The following FSCN2 variants were observed in gnomAD, a reference collection of about 807,000 sequenced individuals.
The protein encoded by FSCN2 is fascin-2.
FSCN2 carries 46 observed loss-of-function variants against 37.8 expected under a neutral mutation model. The ratio of observed to expected loss-of-function variants is 1.22; its 90% CI spans 0.96 to 1.56. The LOEUF (loss-of-function observed/expected upper bound fraction) is 1.56, where lower values mean the gene tolerates loss of function less well. Ranked by LOEUF, FSCN2 falls within the 40% of genes most tolerant of loss-of-function variation. The pLI is 0.00. For synonymous variants in FSCN2, 351 were observed against 309.4 expected, an observed-to-expected ratio of 1.13 and a Z score of -1.41; for missense variants, 844 against 730.4, an observed-to-expected ratio of 1.16 and a Z score of -1.79.
intron 1 of FSCN2, 47 bp from the exon 2 acceptor site, chr17:81,535,005 C>T (rs1227233891): frequency 1.4e-6 from 2 of 1,450,740 alleles, no homozygotes. Flanking sequence ...CTCCCCTGCT[C>T]CCTACCCAGG....
chr17:81,537,097 G>A lies in FSCN2; in HGVS notation c.*17G>A, dbSNP rs576424619. On this transcript the variant is annotated 3_prime_UTR_variant, in exon 5 of 5. Coordinates refer to ENST00000417245, the MANE Select transcript of FSCN2 (RefSeq NM_012418.4). ...GAGTACTGAGGCCGCGCCCAGACCA[G>A]CCTGTCGCGCATTAAAACCGTGTCT... The A allele has an allele frequency of 2.1e-6, 3 of 1,403,568 alleles. No individual in the cohort carries two copies. Among genetic ancestry groups the A allele is most frequent in the Non-Finnish European group, 2.8e-6 (3 of 1,085,026 alleles). 86.9% of individuals were successfully genotyped at this position (1,403,568 alleles called of 1,614,324 possible).
chr17:81,525,751 C>T (rs1298762531), upstream of FSCN2, among the ~76,000 whole-genome samples: 1 of 152,132 alleles, frequency 6.6e-6, no homozygotes, highest in Non-Finnish European at 1.5e-5. Context: ...TAATAATAAC[C>T]AGACTCCCGA....
chr17:81,525,264 A>G (rs1158298560), upstream of FSCN2, among the ~76,000 whole-genome samples: 1 of 151,376 alleles, frequency 6.6e-6, no homozygotes, highest in South Asian at 2.1e-4. Context: ...CATCTCTACT[A>G]AAAATACAAA....
At chr17:81,529,686 G>T (rs1402916215) in intron 1 of FSCN2, 1 of 588,164 alleles carries the variant, frequency 1.7e-6, no homozygotes, top group East Asian at 3.9e-5. Flanking sequence ...CCAGGCGATG[G>T]GCAGTGCCCA....
chr17:81,528,487 A>G lies in FSCN2; in HGVS notation c.-45A>G. The G allele has an allele frequency of 1.4e-6, 2 of 1,423,664 alleles. No homozygotes were observed. Among genetic ancestry groups the G allele is most frequent in the South Asian group, 1.2e-5 (1 of 80,290 alleles). The allele number at this position is 1,423,664 out of a possible 1,614,324, so 88.2% of individuals were successfully genotyped here. ...GGGACCGCGGGGGCCGTGAGCACTC[A>G]GAGGGCGCATCCCAGGCCCCTCCGG... is the stretch of plus-strand genomic sequence containing the variant. On this transcript the variant is annotated 5_prime_UTR_variant, in exon 1 of 5. Coordinates refer to ENST00000417245, the MANE Select transcript of FSCN2 (RefSeq NM_012418.4).
At chr17:81,521,016 A>C in the FSCN2 span, among the ~76,000 whole-genome samples, 2 of 151,942 alleles carry the variant, frequency 1.3e-5, no homozygotes, top group Non-Finnish European at 2.9e-5. Context: ...CTAACCCTTC[A>C]GCGGAGTTTT....
intron 1 of FSCN2, 112 bp from the exon 2 acceptor site, chr17:81,534,940 G>A (rs545059015): frequency 2.8e-5 from 19 of 688,624 alleles, no homozygotes; most frequent in Admixed American, 2.7e-4. Context: ...CAAGTCAAGA[G>A]GGTTCTAGAT....
chr17:81,518,706 C>G, the FSCN2 span, among the ~76,000 whole-genome samples: 2 of 152,168 alleles, frequency 1.3e-5, no homozygotes, highest in African/African-American at 4.8e-5. Context: ...TAGGGAAAGC[C>G]TGTTTAACCC....
rs782640551 is a variant in FSCN2 at position 81,528,783 on chromosome 17, G to A, written c.252G>A (p.Pro84=). The change falls in exon 1 of 5, where the codon CCG becomes CCA. Residue 84 remains proline (P), a synonymous_variant. Coordinates refer to ENST00000417245, the MANE Select transcript of FSCN2 (RefSeq NM_012418.4). ...GCGTGGCCTGTGAGGCAGAGCAGCCGGGCCGTGACTGCCGCTTCCTGGTCC... is the reference window on the plus strand; with the variant it reads ...GCGTGGCCTGTGAGGCAGAGCAGCCAGGCCGTGACTGCCGCTTCCTGGTCC... The part of the protein sequence containing the change: ...DGRVACEAEQ[P]GRDCRFLVLP... The A allele has an allele frequency of 5.9e-5, 93 of 1,569,026 alleles. No individual in the cohort carries two copies. The highest frequency in any genetic ancestry group is 3.4e-4 in the Middle Eastern group (2 of 5,964).
At chr17:81,516,519 C>T in the FSCN2 span, among the ~76,000 whole-genome samples, 3 of 152,198 alleles carry the variant, frequency 2.0e-5, no homozygotes, top group African/African-American at 4.8e-5. Flanking sequence ...CTTTCCAGGG[C>T]CTGGCTGGCT....
At chr17:81,530,100 G>A (rs370617950) in intron 1 of FSCN2, 2 of 263,736 alleles carry the variant, frequency 7.6e-6, no homozygotes, top group Middle Eastern at 4.3e-4. Context: ...GTGAGCCACC[G>A]TGCCCGGCTG....
At chr17:81,515,155 C>T in the FSCN2 span, among the ~76,000 whole-genome samples, 1 of 152,102 alleles carries the variant, frequency 6.6e-6, no homozygotes, top group East Asian at 1.9e-4. Flanking sequence ...GCCTGGAGCC[C>T]GCGGGGCGCA....
chr17:81,527,568 C>T (rs2032387074), upstream of FSCN2: 1 of 152,574 alleles, frequency 6.6e-6, no homozygotes, highest in Non-Finnish European at 1.5e-5. Flanking sequence ...CTCCCAGATT[C>T]CAAGGGCCAC....
chr17:81,520,319 A>G, the FSCN2 span, among the ~76,000 whole-genome samples: 1 of 152,186 alleles, frequency 6.6e-6, no homozygotes, highest in Non-Finnish European at 1.5e-5. Flanking sequence ...GGGTCACACC[A>G]TGCCCAGGGA....
At chr17:81,532,232 G>C (rs1598575838) in intron 1 of FSCN2, among the ~76,000 whole-genome samples, 1 of 142,866 alleles carries the variant, frequency 7.0e-6, no homozygotes, top group Admixed American at 7.1e-5. Context: ...TGATGATAAT[G>C]GTGATGATGG....
the FSCN2 span, among the ~76,000 whole-genome samples, chr17:81,515,695 C>T: frequency 1.4e-3 from 212 of 152,320 alleles, 1 homozygote; most frequent in African/African-American, 5.0e-3. Flanking sequence ...TCTGGGTCAC[C>T]TCCACACCAG....
intron 1 of FSCN2, 126 bp from the exon 2 acceptor site, chr17:81,534,926 T>C (rs2032799277): frequency 4.7e-6 from 3 of 637,078 alleles, no homozygotes; most frequent in Non-Finnish European, 7.6e-6. Flanking sequence ...CTTCCAAATC[T>C]TCTCAAGTCA....
intron 1 of FSCN2, among the ~76,000 whole-genome samples, chr17:81,531,813 GT>G (rs2032639340): frequency 9.5e-6 from 1 of 105,590 alleles, no homozygotes; most frequent in South Asian, 3.4e-4. Context: ...GGTGATGATG[GT>G]GGTGGTGATG....
upstream of FSCN2, among the ~76,000 whole-genome samples, chr17:81,526,815 C>T (rs2032365120): frequency 6.6e-6 from 1 of 152,200 alleles, no homozygotes. Flanking sequence ...ACTGCGTCTC[C>T]CCAGGATGGT....
Sources: gnomAD v4.1 joint callset for allele counts (sites outside exome capture counted in the v4.1 genomes callset) on GRCh38, gnomAD v4.1.1 for gene constraint, MANE v1.5 for transcripts, NCBI Gene and HGNC (gene_info 2026-07-23, HGNC 2026-07-21) for gene names.